The following MMADHC variants were observed in gnomAD, a reference collection of about 807,000 sequenced individuals.
MMADHC encodes the protein cobalamin trafficking protein CblD.
MMADHC carries 23 observed loss-of-function variants against 36.3 expected under a neutral mutation model. The ratio of observed to expected loss-of-function variants is 0.63; its 90% confidence interval spans 0.46 to 0.90. The LOEUF (loss-of-function observed/expected upper bound fraction) is 0.90. MMADHC is among the 40% of genes least tolerant of loss of function. MMADHC has a pLI of 0.00. For missense variants in MMADHC, 330 were observed against 348.0 expected (o/e 0.95, Z 0.41); for synonymous variants, 97 against 116.1 (o/e 0.84, Z 1.06).
intron 2 of MMADHC, among the ~76,000 whole-genome samples, chr2:149,584,937 G>A (rs1188441393): frequency 6.6e-6 from 1 of 151,924 alleles, no homozygotes; most frequent in African/African-American, 2.4e-5. Flanking sequence ...CAGCTACTTA[G>A]GAGGCTGAGG....
At chr2:149,571,761 C>T (rs1441401665) in intron 6 of MMADHC, among the ~76,000 whole-genome samples, 2 of 134,554 alleles carry the variant, frequency 1.5e-5, no homozygotes, top group Non-Finnish European at 3.1e-5. Context: ...GCCTGGGCGA[C>T]AGAGCGAGAC....
intron 6 of MMADHC, chr2:149,572,436 T>G (rs1682657736): frequency 5.0e-6 from 1 of 199,270 alleles, no homozygotes; most frequent in Non-Finnish European, 1.1e-5. Context: ...CTGATCAAAA[T>G]ACACAAGTTA....
Position 149,575,712 on chromosome 2 carries a change from T to G in MMADHC, c.608A>C (p.Lys203Thr), listed in dbSNP as rs371470974. The change falls in exon 6 of 8, where the codon AAG becomes ACG. Residue 203 changes from lysine to threonine, a missense_variant and splice_region_variant. Coordinates refer to ENST00000303319, the MANE Select transcript of MMADHC (RefSeq NM_015702.3). ...VEIEREVLLE[K>T]FINGAKEICY... ...ATTATTAGCAATTGAAAGAATTACC[T>G]TTTCTAAGAGCACTTCTCTTTCAAT... 7.5e-6 allele frequency: 12 copies of G among 1,594,312 alleles called. No homozygotes were observed. The highest frequency in any genetic ancestry group is 9.4e-6 in the Non-Finnish European group (11 of 1,169,892).
chr2:149,579,137 A>T (rs1314685096), intron 4 of MMADHC, among the ~76,000 whole-genome samples: 2 of 151,950 alleles, frequency 1.3e-5, no homozygotes, highest in Admixed American at 1.3e-4. Context: ...AGGGAACCTA[A>T]ATTTCCAGTC....
chr2:149,576,579 A>G, intron 4 of MMADHC, 37 bp from the exon 5 acceptor site: 1 of 1,374,236 alleles, frequency 7.3e-7, no homozygotes, highest in East Asian at 2.3e-5. Flanking sequence ...CAAAATCTGG[A>G]GTTCAAATAA....
intron 3 of MMADHC, among the ~76,000 whole-genome samples, chr2:149,580,382 CA>C (rs1342735256): frequency 6.6e-6 from 1 of 152,136 alleles, no homozygotes; most frequent in Non-Finnish European, 1.5e-5. Flanking sequence ...TCATGCATCA[CA>C]TGACCTAATG....
chr2:149,584,156 C>T (rs182886321), intron 2 of MMADHC, among the ~76,000 whole-genome samples: 1 of 152,234 alleles, frequency 6.6e-6, no homozygotes, highest in East Asian at 1.9e-4. Context: ...TTTACCTTTA[C>T]AACTAAGGAT....
chr2:149,581,551 T>C (rs1357980385), intron 3 of MMADHC, among the ~76,000 whole-genome samples: 1 of 152,174 alleles, frequency 6.6e-6, no homozygotes, highest in Non-Finnish European at 1.5e-5. Context: ...TTTCTCAAAC[T>C]TACCTACCAC....
At chr2:149,574,201 T>C in intron 6 of MMADHC, among the ~76,000 whole-genome samples, 1 of 152,270 alleles carries the variant, frequency 6.6e-6, no homozygotes. Context: ...GAACCACTAA[T>C]GCAATATACA....
chr2:149,571,430 CT>C (rs748513911), intron 6 of MMADHC, among the ~76,000 whole-genome samples: 4 of 152,174 alleles, frequency 2.6e-5, no homozygotes, highest in African/African-American at 4.8e-5. Flanking sequence ...TCTTTACGAA[CT>C]ACTTCTAATG....
chr2:149,575,980 G>C, intron 5 of MMADHC, 139 bp from the exon 6 acceptor site: 1 of 686,220 alleles, frequency 1.5e-6, no homozygotes, highest in Non-Finnish European at 2.4e-6. Context: ...TTTTATAAAT[G>C]TATGTTATTT....
chr2:149,587,207 C>T (rs1682885405), intron 1 of MMADHC, 58 bp from the exon 2 acceptor site: 1 of 1,054,968 alleles, frequency 9.5e-7, no homozygotes, highest in South Asian at 1.3e-5. Context: ...CAACAGACAA[C>T]TGAGGTAACG....
Position 149,569,700 on chromosome 2 carries a change from A to G in MMADHC, c.*274T>C, listed in dbSNP as rs770897112. The G allele has an allele frequency of 9.6e-5, 25 of 259,850 alleles. No homozygotes were observed. Among genetic ancestry groups the G allele is most frequent in the Non-Finnish European group, 1.7e-4 (23 of 136,416 alleles). The allele number at this position is 259,850 out of a possible 1,614,324, so 16.1% of individuals were successfully genotyped here. ...ATTAAAACTGAGGCCTTTTTCCAAT[A>G]AAGAGGAGAAATAACAATAGCAGAT... On this transcript the variant is annotated 3_prime_UTR_variant, in exon 8 of 8. Coordinates refer to ENST00000303319, the MANE Select transcript of MMADHC (RefSeq NM_015702.3).
chr2:149,577,804 G>T (rs1445200116), intron 4 of MMADHC, among the ~76,000 whole-genome samples: 1 of 152,192 alleles, frequency 6.6e-6, no homozygotes, highest in Non-Finnish European at 1.5e-5. Flanking sequence ...CAGATCACAA[G>T]GTCAGGTGAT....
rs528416169 is a variant in MMADHC, at chr2:149,572,666, G to C, written c.610-1495C>G. Among the ~76,000 whole-genome samples the C allele has an allele frequency of 2.0e-5, 3 of 152,212 alleles. No individual in the cohort carries two copies. The South Asian group carries it at 6.2e-4, about 32-fold the overall frequency. ...AGCTGAGGCACCTGGCAAGGTACTGGAAAAGGAGGAGATACATAAAATGGG... is the reference window on the plus strand; with the variant it reads ...AGCTGAGGCACCTGGCAAGGTACTGCAAAAGGAGGAGATACATAAAATGGG... On this transcript the variant is annotated intron_variant, in intron 6 of 7. Coordinates refer to ENST00000303319, the MANE Select transcript of MMADHC (RefSeq NM_015702.3).
At chr2:149,577,900 C>T (rs1393352162) in intron 4 of MMADHC, among the ~76,000 whole-genome samples, 1 of 152,132 alleles carries the variant, frequency 6.6e-6, no homozygotes, top group Non-Finnish European at 1.5e-5. Context: ...CGCCTGTAAT[C>T]TCAGCTACTC....
chr2:149,575,849 TAAG>T lies in MMADHC; in HGVS notation c.479-11_479-9del, dbSNP rs777304368. ...GAAACAGTGATTCAAAATCTACAAA[TAAG>T]AATAAACATTCCAGGTAGAAAAGAA... On this transcript the variant is annotated splice_polypyrimidine_tract_variant and intron_variant, in intron 5 of 7. Transcript: ENST00000303319. The T allele has an allele frequency of 5.7e-6, 9 of 1,591,070 alleles. No individual in the cohort carries two copies. In the Admixed American group the frequency reaches 1.4e-4, roughly 24 times the overall value.
At chr2:149,582,819 A>T (rs1682813454) in intron 2 of MMADHC, among the ~76,000 whole-genome samples, 1 of 152,156 alleles carries the variant, frequency 6.6e-6, no homozygotes, top group South Asian at 2.1e-4. Flanking sequence ...CTTACTAGAC[A>T]GTGAGGTCAT....
rs11680630 is a variant in MMADHC at position 149,576,614 on chromosome 2, C to G, written c.373-72G>C. The stretch of plus-strand genomic sequence containing the variant: ...AAACGGTATCTTGCCTGTTATAAAC[C>G]TGTCTTCCTTAGAAAGCTTTTTGTT... On this transcript the variant is annotated intron_variant, in intron 4 of 7. Coordinates refer to ENST00000303319, the MANE Select transcript of MMADHC (RefSeq NM_015702.3). The G allele has an allele frequency of 0.77, 771,294 of 1,007,226 alleles. 303,438 individuals carry two copies. The highest frequency in any genetic ancestry group is 0.87 in the East Asian group (36,481 of 41,876). 62.4% of individuals were successfully genotyped at this position (1,007,226 alleles called of 1,614,324 possible).
Sources: gnomAD v4.1 joint callset for allele counts (sites outside exome capture counted in the v4.1 genomes callset) on GRCh38, gnomAD v4.1.1 for gene constraint, MANE v1.5 for transcripts, NCBI Gene and HGNC (gene_info 2026-07-23, HGNC 2026-07-21) for gene names.